The following RIMBP2 variants were observed in gnomAD, a reference collection of about 807,000 sequenced individuals.
RIMBP2 encodes the protein RIMS binding protein 2, also known as RIMS-binding protein 2.
Under a neutral mutation model 118.6 loss-of-function variants are expected in RIMBP2, and 48 were observed. The ratio of observed to expected loss-of-function variants is 0.40; its 90% CI spans 0.32 to 0.51. The LOEUF (loss-of-function observed/expected upper bound fraction) is 0.51. Among genes scored for constraint, RIMBP2 ranks in the 20% least tolerant of loss-of-function variants. RIMBP2 has a pLI of 0.41. For missense variants in RIMBP2, 1,551 were observed against 1,768.3 expected, an observed-to-expected ratio of 0.88 and a Z score of 2.20; for synonymous variants, 762 against 742.9, an observed-to-expected ratio of 1.03 and a Z score of -0.42.
At chr12:130,452,088 G>A (rs1168355694) in intron 7 of RIMBP2, among the ~76,000 whole-genome samples, 1 of 152,200 alleles carries the variant, frequency 6.6e-6, no homozygotes, top group Non-Finnish European at 1.5e-5. Context: ...TCAGACGACA[G>A]CGCAGCACTT....
rs139297915 is a variant in RIMBP2, at chr12:130,432,238, C to G, written c.2253+2496G>C. On this transcript the variant is annotated intron_variant, in intron 14 of 22. Transcript: ENST00000690449. Reference sequence around the variant, plus strand: ...GTGGAAACAGGTCTTCTTCAGGCCTCGGTTCAATCTAATTCCAGCTCTGTT... The same window carrying G: ...GTGGAAACAGGTCTTCTTCAGGCCTGGGTTCAATCTAATTCCAGCTCTGTT... The G allele has an allele frequency of 8.3e-5, 38 of 456,458 alleles. 1 individual carries two copies. The highest frequency in any genetic ancestry group is 5.7e-4 in the South Asian group (37 of 64,558). The allele number at this position is 456,458 out of a possible 1,614,324, so 28.3% of individuals were successfully genotyped here.
chr12:130,584,714 A>ACATCATCACTATCACAACCATTT lies in RIMBP2; in HGVS notation c.-217+43607_-217+43608insAAATGGTTGTGATAGTGATGATG, dbSNP rs1481866278. Among the ~76,000 whole-genome samples, 83 of 61,388 alleles carry ACATCATCACTATCACAACCATTT rather than the reference A, an allele frequency of 1.4e-3. 2 individuals carry two copies. The South Asian group carries it at 0.025, about 18-fold the overall frequency. 40.3% of individuals were successfully genotyped at this position (61,388 alleles called of 152,430 possible). On this transcript the variant is annotated intron_variant, in intron 2 of 22. Coordinates refer to ENST00000690449, the MANE Select transcript of RIMBP2 (RefSeq NM_001393629.1). ...TTACATCATCACTATCACAACCATT[A>ACATCATCACTATCACAACCATTT]CATCATCACTATCACAACCATTACA... is the stretch of plus-strand genomic sequence containing the variant.
At chr12:130,655,516 T>C (rs1354810976) in intron 1 of RIMBP2, among the ~76,000 whole-genome samples, 2 of 152,118 alleles carry the variant, frequency 1.3e-5, no homozygotes, top group Non-Finnish European at 2.9e-5. Flanking sequence ...TCTGGGGCCA[T>C]AGAACAGGCC....
chr12:130,712,092 G>A (rs1364414660), intron 1 of RIMBP2, among the ~76,000 whole-genome samples: 1 of 152,240 alleles, frequency 6.6e-6, no homozygotes, highest in African/African-American at 2.4e-5. Flanking sequence ...TTGCGGGACT[G>A]GAAGTGACTC....
intron 1 of RIMBP2, among the ~76,000 whole-genome samples, chr12:130,656,778 G>T (rs1022552006): frequency 6.6e-6 from 1 of 152,152 alleles, no homozygotes; most frequent in Non-Finnish European, 1.5e-5. Context: ...GTGTGGTGGT[G>T]CACACCTGTG....
chr12:130,571,831 A>G (rs1442494166), intron 2 of RIMBP2, among the ~76,000 whole-genome samples: 1 of 151,886 alleles, frequency 6.6e-6, no homozygotes, highest in Admixed American at 6.6e-5. Context: ...CTGCTGCCCC[A>G]CACTGGCCTC....
At chr12:130,608,503 AGGAGG>A (rs943093120) in intron 2 of RIMBP2, among the ~76,000 whole-genome samples, 5 of 152,062 alleles carry the variant, frequency 3.3e-5, no homozygotes, top group African/African-American at 1.2e-4. Flanking sequence ...TCTACTGGGG[AGGAGG>A]GAAGTCTCAG....
intron 6 of RIMBP2, among the ~76,000 whole-genome samples, chr12:130,463,900 G>A (rs919411360): frequency 3.3e-5 from 5 of 150,798 alleles, no homozygotes; most frequent in Non-Finnish European, 7.4e-5. Context: ...AAACCAAGAT[G>A]GCAAAGAGAG....
At chr12:130,494,544 A>G (rs570023798) in intron 4 of RIMBP2, among the ~76,000 whole-genome samples, 1 of 151,790 alleles carries the variant, frequency 6.6e-6, no homozygotes, top group African/African-American at 2.4e-5. Flanking sequence ...GAAGCTGAAG[A>G]GGGAGAATCG....
rs1199734144 is a variant in RIMBP2, at chr12:130,620,926, G to A, written c.-217+7396C>T. Among the ~76,000 whole-genome samples the A allele has an allele frequency of 6.6e-6, 1 of 152,180 alleles. No individual in the cohort carries two copies. The highest frequency in any genetic ancestry group is 1.5e-5 in the Non-Finnish European group (1 of 68,044). Reference sequence around the variant, plus strand: ...CAGCAGTGGTGAGCACCTGGAACCTGCAGACCTGGACTCCGGGCCTGGGGC... The same window carrying A: ...CAGCAGTGGTGAGCACCTGGAACCTACAGACCTGGACTCCGGGCCTGGGGC... On this transcript the variant is annotated intron_variant, in intron 2 of 22. Coordinates refer to ENST00000690449, the MANE Select transcript of RIMBP2 (RefSeq NM_001393629.1). This position sits in a 1 kb window ranked among gnomAD's most constrained non-coding sequence, Gnocchi z 5.3.
intron 1 of RIMBP2, among the ~76,000 whole-genome samples, chr12:130,707,718 C>T (rs537638771): frequency 2.0e-5 from 3 of 152,142 alleles, no homozygotes; most frequent in East Asian, 1.9e-4. Flanking sequence ...GGCCTGGGGG[C>T]GCTGAGGCAG....
chr12:130,441,447 A>AATAATAATTATT (rs572339336), intron 11 of RIMBP2, among the ~76,000 whole-genome samples: 4 of 141,048 alleles, frequency 2.8e-5, no homozygotes, highest in African/African-American at 1.0e-4. Context: ...TAATAATAAT[A>AATAATAATTATT]ATTTACAAGG....
intron 2 of RIMBP2, among the ~76,000 whole-genome samples, chr12:130,548,665 C>G (rs1057023218): frequency 1.3e-5 from 2 of 152,108 alleles, no homozygotes; most frequent in Non-Finnish European, 2.9e-5. Flanking sequence ...CCTCCACCTC[C>G]CGGGTTCAAG....
At chr12:130,656,002 T>C (rs994663286) in intron 1 of RIMBP2, among the ~76,000 whole-genome samples, 2 of 152,158 alleles carry the variant, frequency 1.3e-5, no homozygotes, top group African/African-American at 2.4e-5. Context: ...TGGAGGAAGC[T>C]CTCTCATGTC....
At chr12:130,706,105 G>T (rs1241066552) in intron 1 of RIMBP2, among the ~76,000 whole-genome samples, 1 of 152,168 alleles carries the variant, frequency 6.6e-6, no homozygotes, top group Non-Finnish European at 1.5e-5. Flanking sequence ...AATAATAATA[G>T]CAGGAATCGT....
intron 2 of RIMBP2, among the ~76,000 whole-genome samples, chr12:130,569,019 C>T (rs1226059299): frequency 6.6e-6 from 1 of 152,116 alleles, no homozygotes; most frequent in African/African-American, 2.4e-5. Context: ...AGACCCCCCA[C>T]CGAGAAGCTG....
intron 2 of RIMBP2, among the ~76,000 whole-genome samples, chr12:130,584,142 T>G (rs867331388): frequency 2.7e-4 from 37 of 137,054 alleles, no homozygotes; most frequent in Middle Eastern, 0.012. Flanking sequence ...TAACCACATA[T>G]GTAACGGTGG....
chr12:130,559,707 C>T (rs1292353820), intron 2 of RIMBP2, among the ~76,000 whole-genome samples: 1 of 152,186 alleles, frequency 6.6e-6, no homozygotes, highest in Non-Finnish European at 1.5e-5. Context: ...AGTTCTTTAA[C>T]TCCCTGGAGC....
chr12:130,501,404 TC>T (rs1400108874), intron 4 of RIMBP2, among the ~76,000 whole-genome samples: 1 of 152,138 alleles, frequency 6.6e-6, no homozygotes, highest in Non-Finnish European at 1.5e-5. Context: ...CCACAGTCAC[TC>T]CCTGCATCTG....
Sources: gnomAD v4.1 joint callset for allele counts (sites outside exome capture counted in the v4.1 genomes callset) on GRCh38, gnomAD v4.1.1 for gene constraint, Gnocchi (gnomAD v3.1) non-coding constraint, MANE v1.5 for transcripts, NCBI Gene and HGNC (gene_info 2026-07-23, HGNC 2026-07-21) for gene names.